The following RFX1 variants were observed in gnomAD, a reference collection of about 807,000 sequenced individuals.
The protein encoded by RFX1 is MHC class II regulatory factor RFX1.
Under a neutral mutation model 119.6 loss-of-function variants are expected in RFX1, and 42 were observed. The ratio of observed to expected loss-of-function variants is 0.35; its 90% CI spans 0.27 to 0.45. RFX1 has a LOEUF of 0.45. Among genes scored for constraint, RFX1 ranks in the 20% least tolerant of loss-of-function variants. The probability of loss-of-function intolerance (pLI) is 1.00; values close to 1 mark genes in which losing one functional copy is unlikely to be tolerated. For missense variants in RFX1, 1,118 were observed against 1,368.1 expected (o/e 0.82, Z 2.88); for synonymous variants, 628 against 618.5 (o/e 1.02, Z -0.23).
In RFX1 at chr19:13,983,523, G is replaced by A. The variant is rs1463547768; in HGVS notation, c.392C>T (p.Pro131Leu). 2 of 1,611,572 alleles carry A rather than the reference G, an allele frequency of 1.2e-6. No homozygotes were observed. The highest frequency in any genetic ancestry group is 2.2e-5 in the East Asian group (1 of 44,872). The stretch of plus-strand genomic sequence containing the variant: ...CTGCACCTGCTGAACCACCTGAGTA[G>A]GAACGCCGGTCTGGCTGGCGGTGGA... ...PGSTASQTGV[P>L]TQVVQQVQGT... The change falls in exon 3 of 21, where the codon CCT becomes CTT. Residue 131 changes from proline (P) to leucine (L), a missense_variant. By Grantham distance (98) the Pro-to-Leu change is moderately conservative. Around this residue, in one of 5 missense-constraint regions of RFX1, gnomAD observed 542 missense variants for 602.7 expected, o/e 0.90. Coordinates refer to ENST00000254325, the MANE Select transcript of RFX1 (RefSeq NM_002918.5).
At chr19:13,974,448 G>A (rs1254709928) in intron 8 of RFX1, among the ~76,000 whole-genome samples, 2 of 152,092 alleles carry the variant, frequency 1.3e-5, no homozygotes, top group Non-Finnish European at 2.9e-5. Context: ...AACCTCAAGG[G>A]GCTGTTAAAC....
intron 1 of RFX1, among the ~76,000 whole-genome samples, chr19:13,996,450 C>A (rs1010860567): frequency 6.6e-6 from 1 of 152,214 alleles, no homozygotes; most frequent in Non-Finnish European, 1.5e-5. Flanking sequence ...GCAGGGTGAC[C>A]CTCAAAGGAA....
In RFX1 at chr19:13,963,006, CCAGGGGGTT is replaced by C. The variant is rs922451833; in HGVS notation, c.2749_2757del (p.Asn917_Leu919del). ...ACGCCTCGCCTACCTTTGTCGGGGTCCAGGGGGTTCAGGGAGGTGGCCAGATTGGCGAAC... is the reference window on the plus strand; with the variant it reads ...ACGCCTCGCCTACCTTTGTCGGGGTCCAGGGAGGTGGCCAGATTGGCGAAC... On this transcript the variant is annotated inframe_deletion, in exon 20 of 21. Coordinates refer to ENST00000254325, the MANE Select transcript of RFX1 (RefSeq NM_002918.5). 1.2e-5 allele frequency: 18 copies of C among 1,552,200 alleles called. No individual in the cohort carries two copies. The Admixed American group carries it at 1.2e-4, about 10-fold the overall frequency.
chr19:13,996,429 G>A (rs1461650852), intron 1 of RFX1, among the ~76,000 whole-genome samples: 3 of 152,248 alleles, frequency 2.0e-5, no homozygotes, highest in African/African-American at 7.2e-5. Context: ...TGCCCAGATG[G>A]CCCTCCAGCC....
chr19:13,985,726 G>A lies in RFX1; in HGVS notation c.320-2131C>T, dbSNP rs548722513. Among the ~76,000 whole-genome samples the A allele has an allele frequency of 2.6e-5, 4 of 152,328 alleles. No individual in the cohort carries two copies. Among genetic ancestry groups the A allele is most frequent in the South Asian group, 4.1e-4 (2 of 4,832 alleles). Reference sequence around the variant, plus strand: ...GAAGGAAAGTAAGCTGGGGGTCTACGGGGACCCCTCAAAGTCTGAAGTATC... The same window carrying A: ...GAAGGAAAGTAAGCTGGGGGTCTACAGGGACCCCTCAAAGTCTGAAGTATC... On this transcript the variant is annotated intron_variant, in intron 2 of 20. Transcript: ENST00000254325. This position sits in a 1 kb window ranked among gnomAD's most constrained non-coding sequence, Gnocchi z 4.3.
intron 1 of RFX1, 103 bp from the exon 2 acceptor site, chr19:13,993,998 G>A: frequency 4.2e-6 from 3 of 710,428 alleles, no homozygotes; most frequent in Non-Finnish European, 7.0e-6. Context: ...ACAGCTCTGG[G>A]TTCCCTGGAG....
intron 1 of RFX1, among the ~76,000 whole-genome samples, chr19:14,003,689 C>G (rs1975287430): frequency 6.6e-6 from 1 of 152,162 alleles, no homozygotes; most frequent in South Asian, 2.1e-4. Context: ...CCAAGGATTA[C>G]TGCCCCTAGA....
chr19:13,987,611 G>A (rs1040815739), intron 2 of RFX1, among the ~76,000 whole-genome samples: 3 of 152,146 alleles, frequency 2.0e-5, no homozygotes, highest in African/African-American at 7.2e-5. Context: ...CCTGGCAGAG[G>A]GTCAGGGAGG....
chr19:13,963,467 A>T, intron 18 of RFX1, 71 bp downstream of exon 18: 1 of 1,484,118 alleles, frequency 6.7e-7, no homozygotes, highest in South Asian at 1.2e-5. Context: ...GTCGTAGAAG[A>T]GCACCTGAGA....
chr19:13,977,315 G>GA (rs1381698339), intron 8 of RFX1, among the ~76,000 whole-genome samples: 2 of 150,300 alleles, frequency 1.3e-5, no homozygotes, highest in Non-Finnish European at 3.0e-5. Flanking sequence ...CAAAAAAAAA[G>GA]AAAAAAATGG....
At chr19:13,977,915 GGGACTGGTGTCCTGGGA>G in intron 8 of RFX1, 60 bp downstream of exon 8, 6 of 1,135,930 alleles carry the variant, frequency 5.3e-6, no homozygotes. Context: ...GCTGGGACTG[GGGACTGGTGTCCTGGGA>G]GACTGGGGAG....
Position 13,992,107 on chromosome 19 carries a change from G to A in RFX1, c.319+1418C>T, listed in dbSNP as rs532194165. The stretch of plus-strand genomic sequence containing the variant: ...GAAGGACCAGGGCCAGCTTTGATCC[G>A]GGCTCCCACTGAGGCCTCCGTCCAC... On this transcript the variant is annotated intron_variant, in intron 2 of 20. Transcript: ENST00000254325. Among the ~76,000 whole-genome samples the A allele has an allele frequency of 7.2e-5, 11 of 152,092 alleles. No individual in the cohort carries two copies. In the South Asian group the frequency reaches 8.3e-4, roughly 11 times the overall value.
chr19:13,997,865 G>A (rs1384638076), intron 1 of RFX1, among the ~76,000 whole-genome samples: 1 of 152,140 alleles, frequency 6.6e-6, no homozygotes, highest in African/African-American at 2.4e-5. Flanking sequence ...AGAGAAACTT[G>A]CCCACCGTGA....
intron 8 of RFX1, among the ~76,000 whole-genome samples, chr19:13,975,820 A>T (rs1404282471): frequency 6.6e-6 from 1 of 152,200 alleles, no homozygotes; most frequent in Non-Finnish European, 1.5e-5. Context: ...CAGGGTGGGG[A>T]TAGGGCTGGC....
At position 13,966,859 on chromosome 19, in the gene RFX1, G is replaced by T. The variant is rs1013562507; in HGVS notation, c.1733-108C>A. ...TCAGACTGGGGTCCCCCATGTGCCG[G>T]TGAGACAACGCTAGGTGGGGTGAGC... On this transcript the variant is annotated intron_variant, in intron 12 of 20. Transcript: ENST00000254325. The surrounding 1 kb of genome is among the most constrained non-coding windows in gnomAD (Gnocchi z 6.3). 2.8e-6 allele frequency: 2 copies of T among 724,176 alleles called. No individual in the cohort carries two copies. Among genetic ancestry groups the T allele is most frequent in the Non-Finnish European group, 4.5e-6 (2 of 439,584 alleles). The allele number at this position is 724,176 out of a possible 1,614,324, so 44.9% of individuals were successfully genotyped here.
At chr19:13,971,783 G>A (rs2145557531) in intron 9 of RFX1, among the ~76,000 whole-genome samples, 1 of 152,250 alleles carries the variant, frequency 6.6e-6, no homozygotes, top group East Asian at 1.9e-4. Context: ...GCCGAGGAGG[G>A]TGGATCACGA....
At chr19:13,996,419 T>C (rs911734607) in intron 1 of RFX1, among the ~76,000 whole-genome samples, 4 of 152,240 alleles carry the variant, frequency 2.6e-5, no homozygotes, top group Non-Finnish European at 5.9e-5. Flanking sequence ...TGCCACGATG[T>C]GCCCAGATGG....
chr19:13,980,222 C>T lies in RFX1; in HGVS notation c.738+351G>A, dbSNP rs542726088. 3.2e-4 allele frequency among the ~76,000 whole-genome samples: 48 copies of T among 152,232 alleles called. No homozygotes were observed. Among genetic ancestry groups the T allele is most frequent in the Non-Finnish European group, 5.0e-4 (34 of 67,990 alleles). On this transcript the variant is annotated intron_variant, in intron 6 of 20. Coordinates refer to ENST00000254325, the MANE Select transcript of RFX1 (RefSeq NM_002918.5). The surrounding 1 kb of genome is among the most constrained non-coding windows in gnomAD (Gnocchi z 5.1). ...GGTGTGGATTTGGGGGCTGGGTCCC[C>T]TCCCTGAAATCCTCCCCAGAAGGAG...
intron 1 of RFX1, among the ~76,000 whole-genome samples, chr19:13,994,821 C>G (rs570062195): frequency 7.2e-6 from 1 of 138,950 alleles, no homozygotes; most frequent in Non-Finnish European, 1.5e-5. Context: ...TATATATATA[C>G]ACACACATAT....
Sources: gnomAD v4.1 joint callset for allele counts (sites outside exome capture counted in the v4.1 genomes callset) on GRCh38, gnomAD v4.1.1 for gene constraint, gnomAD v4.1.1 regional missense constraint, Gnocchi (gnomAD v3.1) non-coding constraint, MANE v1.5 for transcripts, NCBI Gene and HGNC (gene_info 2026-07-23, HGNC 2026-07-21) for gene names.